FOXP1: variants seen among roughly 807,000 people sequenced by gnomAD.
The protein encoded by FOXP1 is forkhead box protein P1.
A neutral mutation model predicts 98.2 loss-of-function variants in FOXP1; 15 were observed. The observed-to-expected ratio is 0.15, with a 90% CI of 0.10 to 0.24. FOXP1 has a LOEUF of 0.24. Among genes scored for constraint, FOXP1 ranks in the 10% least tolerant of loss-of-function variants. The pLI is 1.00. For synonymous variants in FOXP1, 371 were observed against 314.5 expected (o/e 1.18, Z -1.90); for missense variants, 633 against 848.5 (o/e 0.75, Z 3.15).
chr3:71,330,043 AAAAGAAAAGCAG>A (rs1422116854), intron 4 of FOXP1, among the ~76,000 whole-genome samples: 7 of 152,194 alleles, frequency 4.6e-5, no homozygotes, highest in African/African-American at 1.7e-4. Flanking sequence ...AACCTGTTTC[AAAAGAAAAGCAG>A]AAAGAAAAGA....
At chr3:71,428,523 C>A (rs1271571444) in intron 3 of FOXP1, among the ~76,000 whole-genome samples, 1 of 152,232 alleles carries the variant, frequency 6.6e-6, no homozygotes, top group African/African-American at 2.4e-5. Flanking sequence ...AGCTTATTAG[C>A]AGAGAATGGG....
At chr3:71,069,566 A>G (rs1414081930) in intron 7 of FOXP1, among the ~76,000 whole-genome samples, 1 of 152,168 alleles carries the variant, frequency 6.6e-6, no homozygotes, top group African/African-American at 2.4e-5. Context: ...AGTTCTTGAA[A>G]AGGTACATGT....
At chr3:71,416,178 G>A (rs1213561527) in intron 3 of FOXP1, among the ~76,000 whole-genome samples, 1 of 152,092 alleles carries the variant, frequency 6.6e-6, no homozygotes, top group South Asian at 2.1e-4. Flanking sequence ...GTATAAAACC[G>A]AAAGGGATGA....
intron 4 of FOXP1, among the ~76,000 whole-genome samples, chr3:71,357,451 T>A (rs114447978): frequency 0.036 from 5,429 of 152,198 alleles, 139 homozygotes; most frequent in Middle Eastern, 0.078. Context: ...TGAAAATAAA[T>A]AAAAATTAAA....
At chr3:71,111,668 G>A (rs1319850473) in intron 7 of FOXP1, among the ~76,000 whole-genome samples, 1 of 152,070 alleles carries the variant, frequency 6.6e-6, no homozygotes, top group Non-Finnish European at 1.5e-5. Context: ...CAAAGTGCTG[G>A]GATTACAGGC....
intron 5 of FOXP1, among the ~76,000 whole-genome samples, chr3:71,269,056 G>A (rs576419412): frequency 5.9e-5 from 9 of 151,630 alleles, no homozygotes; most frequent in African/African-American, 1.5e-4. Context: ...ACCCATGCAG[G>A]CCCTTCCTGG....
chr3:71,314,536 T>A (rs1560291827), intron 4 of FOXP1, among the ~76,000 whole-genome samples: 1 of 149,884 alleles, frequency 6.7e-6, no homozygotes, highest in Non-Finnish European at 1.5e-5. Context: ...AAAAAATATA[T>A]ATATATATAT....
At chr3:71,296,219 T>A (rs1333715177) in intron 5 of FOXP1, 6 of 152,198 alleles carry the variant, frequency 3.9e-5, no homozygotes, top group African/African-American at 1.4e-4. Context: ...CTCTTAATAA[T>A]TCCCAGGTTT....
intron 2 of FOXP1, among the ~76,000 whole-genome samples, chr3:71,547,614 C>T (rs1214865532): frequency 6.6e-6 from 1 of 152,196 alleles, no homozygotes; most frequent in East Asian, 1.9e-4. Flanking sequence ...TAGAAGGCAA[C>T]TTGCTGTTCT....
chr3:71,260,328 A>G (rs1242371501), intron 5 of FOXP1, among the ~76,000 whole-genome samples: 1 of 152,064 alleles, frequency 6.6e-6, no homozygotes, highest in Non-Finnish European at 1.5e-5. Context: ...GGGGGGAGAA[A>G]TGCAGAGATG....
intron 4 of FOXP1, chr3:71,332,165 A>G (rs1438507341): frequency 2.0e-5 from 3 of 152,408 alleles, no homozygotes; most frequent in Non-Finnish European, 4.4e-5. Context: ...CTTTGGGTCC[A>G]CACTGCCTTT....
intron 3 of FOXP1, among the ~76,000 whole-genome samples, chr3:71,422,303 A>G (rs980690184): frequency 6.6e-6 from 1 of 152,238 alleles, no homozygotes; most frequent in Non-Finnish European, 1.5e-5. Flanking sequence ...CTCCTATTAG[A>G]AAAACTACAT....
At chr3:71,071,509 G>C (rs1292660890) in intron 7 of FOXP1, among the ~76,000 whole-genome samples, 1 of 152,188 alleles carries the variant, frequency 6.6e-6, no homozygotes, top group African/African-American at 2.4e-5. Context: ...GGCAAGTCAC[G>C]TCACCTCTCT....
chr3:71,017,424 T>A (rs1426670538), intron 11 of FOXP1, among the ~76,000 whole-genome samples: 1 of 151,892 alleles, frequency 6.6e-6, no homozygotes, highest in Non-Finnish European at 1.5e-5. Context: ...ATTATTTTCT[T>A]TAGCAATTTT....
chr3:71,175,682 A>C (rs7622976), intron 6 of FOXP1, among the ~76,000 whole-genome samples: 11,198 of 152,266 alleles, frequency 0.074, 501 homozygotes, highest in Admixed American at 0.12. Flanking sequence ...TTCATAAAAT[A>C]AGCCAGGAAA....
At chr3:71,411,280 T>C (rs777410037) in intron 3 of FOXP1, among the ~76,000 whole-genome samples, 16 of 30,734 alleles carry the variant, frequency 5.2e-4, no homozygotes, top group Non-Finnish European at 1.5e-3. Flanking sequence ...TGAATGGGCG[T>C]GTGTGTGTGT....
chr3:71,051,872 A>C (rs2049942122), intron 9 of FOXP1, among the ~76,000 whole-genome samples: 1 of 152,188 alleles, frequency 6.6e-6, no homozygotes, highest in Admixed American at 6.5e-5. Context: ...GGTGTGGCAT[A>C]ATGTGATAAG....
intron 3 of FOXP1, among the ~76,000 whole-genome samples, chr3:71,456,800 T>C (rs1488393012): frequency 7.2e-6 from 1 of 138,232 alleles, no homozygotes; most frequent in Non-Finnish European, 1.6e-5. Context: ...GAAAGTCAGT[T>C]ATTGGTAGTT....
At chr3:71,534,306 G>T (rs753360623) in intron 2 of FOXP1, among the ~76,000 whole-genome samples, 1 of 152,176 alleles carries the variant, frequency 6.6e-6, no homozygotes, top group Non-Finnish European at 1.5e-5. Context: ...GGAGGTTGCA[G>T]TGAGTGGAGA....
Sources: gnomAD v4.1 joint callset for allele counts (sites outside exome capture counted in the v4.1 genomes callset) on GRCh38, gnomAD v4.1.1 for gene constraint, MANE v1.5 for transcripts, NCBI Gene and HGNC (gene_info 2026-07-23, HGNC 2026-07-21) for gene names.